The following SPA17 variants were observed in gnomAD, a reference collection of about 807,000 sequenced individuals.
The protein encoded by SPA17 is sperm surface protein Sp17.
In SPA17, 7 loss-of-function variants were observed where a neutral mutation model predicts 13.8. The ratio of observed to expected loss-of-function variants is 0.51; its 90% CI spans 0.29 to 0.95. The LOEUF (loss-of-function observed/expected upper bound fraction) is 0.95. SPA17 is among the 40% of genes least tolerant of loss of function. The pLI is 0.08. For missense variants in SPA17, 170 were observed against 179.3 expected (o/e 0.95, Z 0.30); for synonymous variants, 61 against 59.0 (o/e 1.03, Z -0.16).
intron 4 of SPA17, among the ~76,000 whole-genome samples, chr11:124,692,506 G>A (rs1205552751): frequency 2.0e-5 from 3 of 152,134 alleles, no homozygotes. Context: ...TGTGAACCCG[G>A]GAGGCGGAGG....
rs1041338707 is a variant in SPA17, at chr11:124,696,573, A to T, written c.*2127A>T. ...TGAGCAATGGATGTGATATTATGAG[A>T]ACAACACATATGAATGACACTTTAT... On this transcript the variant is annotated 3_prime_UTR_variant, in exon 5 of 5. Transcript: ENST00000227135. 2.0e-5 allele frequency: 3 copies of T among 152,172 alleles called. No homozygotes were observed. The highest frequency in any genetic ancestry group is 4.4e-5 in the Non-Finnish European group (3 of 68,038). 9.4% of individuals were successfully genotyped at this position (152,172 alleles called of 1,614,324 possible).
chr11:124,693,063 A>G (rs1244991110), intron 4 of SPA17, among the ~76,000 whole-genome samples: 1 of 152,214 alleles, frequency 6.6e-6, no homozygotes, highest in East Asian at 1.9e-4. Context: ...ACAGGAAGTC[A>G]AGGAAGAAGG....
intron 2 of SPA17, 88 bp downstream of exon 2, chr11:124,675,506 C>A: frequency 6.9e-7 from 1 of 1,440,404 alleles, no homozygotes; most frequent in Non-Finnish European, 9.4e-7. Context: ...CTCCATTCTG[C>A]AGAAAGCCTT....
chr11:124,694,434 G>C lies in SPA17; in HGVS notation c.444G>C (p.Glu148Asp). The change falls in exon 5 of 5, where the codon GAG becomes GAC. Residue 148 changes from glutamate to aspartate, a missense_variant. Transcript: ENST00000227135. Reference sequence around the variant, plus strand: ...ATAGTCTTCAAAATGAGGAAAAAGAGGAAAACAAGTGAGGACACTGGTTTT... The same window carrying C: ...ATAGTCTTCAAAATGAGGAAAAAGACGAAAACAAGTGAGGACACTGGTTTT... The part of the protein sequence containing the change: ...KTNSLQNEEK[E>D]ENK The C allele has an allele frequency of 6.2e-7, 1 of 1,611,268 alleles. No individual in the cohort carries two copies. The highest frequency in any genetic ancestry group is 2.2e-5 in the East Asian group (1 of 44,756).
Sources: allele counts gnomAD v4.1 joint callset (sites outside exome capture counted in the v4.1 genomes callset), GRCh38; gene constraint gnomAD v4.1.1; transcripts MANE v1.5; gene names NCBI Gene and HGNC (gene_info 2026-07-23, HGNC 2026-07-21).